KIAA1328: variants seen among roughly 807,000 people sequenced by gnomAD.
The protein encoded by KIAA1328 is protein hinderin.
Under a neutral mutation model 68.1 loss-of-function variants are expected in KIAA1328, and 52 were observed. The ratio of observed to expected loss-of-function variants is 0.76; its 90% confidence interval spans 0.61 to 0.96. KIAA1328 has a LOEUF of 0.96. Ranked by LOEUF, KIAA1328 falls within the 40% of genes least tolerant of loss-of-function variation. The pLI, the probability that KIAA1328 is intolerant of heterozygous loss-of-function variation, is 0.00. For synonymous variants in KIAA1328, 232 were observed against 239.4 expected (o/e 0.97, Z 0.28); for missense variants, 641 against 677.6 (o/e 0.95, Z 0.60).
Position 37,067,342 on chromosome 18 carries a change from A to T in KIAA1328, c.1029A>T (p.Ala343=), listed in dbSNP as rs748905439. 6.2e-7 allele frequency: 1 copy of T among 1,613,968 alleles called. No individual in the cohort carries two copies. Among genetic ancestry groups the T allele is most frequent in the Middle Eastern group, 1.6e-4 (1 of 6,062 alleles). Reference sequence around the variant, plus strand: ...GCAGTTATTGTCGGCTTTCTTGGGCATCTCTGGTGCATGGTGGTGGGGCAC... The same window carrying T: ...GCAGTTATTGTCGGCTTTCTTGGGCTTCTCTGGTGCATGGTGGTGGGGCAC... ...ESCSYCRLSW[A]SLVHGGGALQ... The change falls in exon 7 of 10, where the codon GCA becomes GCT. Residue 343 remains alanine, a synonymous_variant. Coordinates refer to ENST00000280020, the MANE Select transcript of KIAA1328 (RefSeq NM_020776.3).
intron 5 of KIAA1328, among the ~76,000 whole-genome samples, chr18:36,916,744 G>C (rs1015008390): frequency 6.6e-6 from 1 of 152,014 alleles, no homozygotes; most frequent in Admixed American, 6.6e-5. Flanking sequence ...AATGAATGTG[G>C]TTTCTTACGT....
chr18:36,967,704 A>G (rs964074552), intron 6 of KIAA1328, among the ~76,000 whole-genome samples: 2 of 152,086 alleles, frequency 1.3e-5, no homozygotes, highest in African/African-American at 4.8e-5. Flanking sequence ...GAAGGAAGAA[A>G]CAGATGCTGG....
At chr18:37,084,174 C>T in intron 7 of KIAA1328, 1 of 1,526,212 alleles carries the variant, frequency 6.6e-7, no homozygotes, top group South Asian at 1.2e-5. Context: ...TGCTGAAAAA[C>T]AGCTTACTAA....
At chr18:36,885,535 G>A (rs1441375461) in intron 4 of KIAA1328, 22 bp from the exon 5 acceptor site, 3 of 1,255,498 alleles carry the variant, frequency 2.4e-6, no homozygotes, top group Admixed American at 2.7e-5. Flanking sequence ...AGATGTTAAA[G>A]GTTTTTTTTT....
chr18:36,881,932 A>G (rs886869107), intron 4 of KIAA1328, among the ~76,000 whole-genome samples: 2 of 152,124 alleles, frequency 1.3e-5, no homozygotes, highest in Admixed American at 6.6e-5. Flanking sequence ...TTTTATGTGG[A>G]CATATGTTTT....
intron 5 of KIAA1328, among the ~76,000 whole-genome samples, chr18:36,926,941 C>T (rs543996078): frequency 5.3e-5 from 8 of 152,264 alleles, no homozygotes; most frequent in East Asian, 3.9e-4. Context: ...GGAGCCAGGA[C>T]GGCACCTGGC....
intron 7 of KIAA1328, among the ~76,000 whole-genome samples, chr18:37,131,863 C>A (rs1183151394): frequency 6.6e-6 from 1 of 152,102 alleles, no homozygotes; most frequent in African/African-American, 2.4e-5. Context: ...GCTTTTCATA[C>A]TGTTGGAGGG....
intron 5 of KIAA1328, among the ~76,000 whole-genome samples, chr18:36,947,114 A>G (rs918506790): frequency 7.9e-5 from 12 of 152,188 alleles, no homozygotes; most frequent in African/African-American, 2.9e-4. Context: ...CAGTGAGCCG[A>G]GATCACGCCA....
intron 4 of KIAA1328, among the ~76,000 whole-genome samples, chr18:36,852,772 A>C (rs2047254954): frequency 6.6e-6 from 1 of 152,178 alleles, no homozygotes; most frequent in South Asian, 2.1e-4. Flanking sequence ...AACAGTAGTA[A>C]CTGCTGTAAT....
At chr18:37,204,554 A>G (rs2060179419) in intron 9 of KIAA1328, among the ~76,000 whole-genome samples, 1 of 152,242 alleles carries the variant, frequency 6.6e-6, no homozygotes, top group South Asian at 2.1e-4. Context: ...CAAACTGTGC[A>G]TTTGTAAATG....
rs1468110987 is a variant in KIAA1328, at chr18:37,223,126, A to C, written c.*899A>C. 20 of 973,796 alleles carry C rather than the reference A, an allele frequency of 2.1e-5. No homozygotes were observed. The highest frequency in any genetic ancestry group is 4.8e-5 in the South Asian group (1 of 20,908). 60.3% of individuals were successfully genotyped at this position (973,796 alleles called of 1,614,324 possible). ...GTCTACGGAAAATGCCACTAGAGAG[A>C]GAGTGATGCAAGCTGCTGCAAAGCT... On this transcript the variant is annotated 3_prime_UTR_variant, in exon 10 of 10. Coordinates refer to ENST00000280020, the MANE Select transcript of KIAA1328 (RefSeq NM_020776.3).
At chr18:36,959,570 G>GGGAAAGACATCAACTCAA in intron 6 of KIAA1328, 135 bp downstream of exon 6, 1 of 936,398 alleles carries the variant, frequency 1.1e-6, no homozygotes, top group Non-Finnish European at 1.6e-6. Flanking sequence ...GTGTGATTGA[G>GGGAAAGACATCAACTCAA]TTGATGTCTT....
chr18:36,941,639 G>A (rs1279391325), intron 5 of KIAA1328, among the ~76,000 whole-genome samples: 1 of 151,640 alleles, frequency 6.6e-6, no homozygotes, highest in Non-Finnish European at 1.5e-5. Flanking sequence ...TTAATTAAAT[G>A]AGATAGAAAA....
At chr18:36,843,675 G>T (rs1244674860) in intron 3 of KIAA1328, among the ~76,000 whole-genome samples, 1 of 152,128 alleles carries the variant, frequency 6.6e-6, no homozygotes, top group Non-Finnish European at 1.5e-5. Flanking sequence ...GCGTTGTTGT[G>T]CAAATAAAAT....
At chr18:37,175,591 A>T (rs2059584068) in intron 9 of KIAA1328, among the ~76,000 whole-genome samples, 1 of 152,138 alleles carries the variant, frequency 6.6e-6, no homozygotes. Context: ...CGAATTGCAG[A>T]GTTAAAAAAA....
At chr18:36,838,211 AT>A (rs1481352674) in intron 3 of KIAA1328, among the ~76,000 whole-genome samples, 1 of 152,148 alleles carries the variant, frequency 6.6e-6, no homozygotes, top group East Asian at 1.9e-4. Flanking sequence ...TCTTTTGTGA[AT>A]TCCTTACCAT....
chr18:36,997,089 ACTC>A (rs1341198896), intron 6 of KIAA1328, among the ~76,000 whole-genome samples: 1 of 151,390 alleles, frequency 6.6e-6, no homozygotes, highest in African/African-American at 2.4e-5. Context: ...GTCTTTCTCT[ACTC>A]CTCTCCATCC....
chr18:37,070,989 C>T (rs1405793326), intron 7 of KIAA1328, among the ~76,000 whole-genome samples: 1 of 150,676 alleles, frequency 6.6e-6, no homozygotes, highest in East Asian at 1.9e-4. Context: ...GCATTTGAGT[C>T]AGCCAGTTTC....
At chr18:36,842,354 C>T (rs1055078737) in intron 3 of KIAA1328, among the ~76,000 whole-genome samples, 2 of 152,106 alleles carry the variant, frequency 1.3e-5, no homozygotes, top group African/African-American at 4.8e-5. Flanking sequence ...GGGTAAGGAA[C>T]TCAGGGGTGA....
Sources: gnomAD v4.1 joint callset for allele counts (sites outside exome capture counted in the v4.1 genomes callset) on GRCh38, gnomAD v4.1.1 for gene constraint, MANE v1.5 for transcripts, NCBI Gene and HGNC (gene_info 2026-07-23, HGNC 2026-07-21) for gene names.